Variants in RBFOX2 observed in about 807,000 individuals in gnomAD.
RBFOX2 encodes the protein RNA binding fox-1 homolog 2.
RBFOX2 carries 10 observed loss-of-function variants against 49.1 expected under a neutral mutation model. The ratio of observed to expected loss-of-function variants is 0.20; its 90% CI spans 0.13 to 0.35. The LOEUF (loss-of-function observed/expected upper bound fraction) is 0.35, where lower values mean the gene tolerates loss of function less well. RBFOX2 is among the 10% of genes least tolerant of loss of function. The pLI, the probability that RBFOX2 is intolerant of heterozygous loss-of-function variation, is 1.00. For missense variants in RBFOX2, 323 were observed against 486.9 expected (o/e 0.66, Z 3.17); for synonymous variants, 183 against 187.4 (o/e 0.98, Z 0.19).
chr22:35,988,120 C>T (rs543317754), intron 1 of RBFOX2, among the ~76,000 whole-genome samples: 1 of 152,280 alleles, frequency 6.6e-6, no homozygotes, highest in South Asian at 2.1e-4. Context: ...AGGTAAAACC[C>T]TAAAGGGGGG....
chr22:36,008,765 A>AT (rs1243690109), intron 1 of RBFOX2, among the ~76,000 whole-genome samples: 1 of 152,058 alleles, frequency 6.6e-6, no homozygotes, highest in Non-Finnish European at 1.5e-5. Flanking sequence ...TTGCAGTGAG[A>AT]TTGCACCACT....
At chr22:35,913,477 T>TTG (rs61402464) in intron 1 of RBFOX2, among the ~76,000 whole-genome samples, 2,767 of 143,450 alleles carry the variant, frequency 0.019, 34 homozygotes, top group Middle Eastern at 0.065. Context: ...GTTATTTCTA[T>TTG]TGTGTGTGTG....
intron 3 of RBFOX2, among the ~76,000 whole-genome samples, chr22:35,778,684 T>C (rs1944467684): frequency 6.6e-6 from 1 of 151,368 alleles, no homozygotes; most frequent in South Asian, 2.1e-4. Flanking sequence ...TCACCCAGGC[T>C]GGAGTCCAGT....
chr22:35,792,351 AAAAGAAAAG>A (rs951090688), intron 2 of RBFOX2, among the ~76,000 whole-genome samples: 4 of 149,168 alleles, frequency 2.7e-5, no homozygotes, highest in Admixed American at 6.7e-5. Context: ...AAAAGAAAAG[AAAAGAAAAG>A]AAAAGAAAAA....
At chr22:35,864,592 A>T (rs761595410) in intron 1 of RBFOX2, among the ~76,000 whole-genome samples, 20 of 152,230 alleles carry the variant, frequency 1.3e-4, no homozygotes, top group Admixed American at 2.6e-4. Context: ...AATAACTTAT[A>T]CTTAGGATCT....
At chr22:35,854,156 G>C (rs1291165471) in intron 1 of RBFOX2, among the ~76,000 whole-genome samples, 2 of 152,082 alleles carry the variant, frequency 1.3e-5, no homozygotes, top group African/African-American at 4.8e-5. Context: ...AGGTTGCAGT[G>C]AGCCGAGACT....
At chr22:35,956,068 GA>G (rs1287531764) in intron 1 of RBFOX2, among the ~76,000 whole-genome samples, 3 of 152,234 alleles carry the variant, frequency 2.0e-5, no homozygotes, top group South Asian at 2.1e-4. Flanking sequence ...ACTTGGAATA[GA>G]TTTTTTTTGC....
At chr22:35,995,454 A>G (rs2058150791) in intron 1 of RBFOX2, 1 of 152,154 alleles carries the variant, frequency 6.6e-6, no homozygotes, top group South Asian at 2.1e-4. Flanking sequence ...GCCTGCCGGG[A>G]GACAGTGATC....
At chr22:35,920,721 G>A (rs1052747419) in intron 1 of RBFOX2, among the ~76,000 whole-genome samples, 2 of 152,048 alleles carry the variant, frequency 1.3e-5, no homozygotes, top group African/African-American at 4.8e-5. Flanking sequence ...ACCTTACAAG[G>A]GACTACTTGG....
At chr22:36,008,336 T>C (rs2146333849) in intron 1 of RBFOX2, among the ~76,000 whole-genome samples, 1 of 152,162 alleles carries the variant, frequency 6.6e-6, no homozygotes, top group South Asian at 2.1e-4. Flanking sequence ...TCAATCAAAT[T>C]TTGTCTCCAA....
At chr22:35,927,840 C>T (rs559578489) in intron 1 of RBFOX2, among the ~76,000 whole-genome samples, 1 of 152,236 alleles carries the variant, frequency 6.6e-6, no homozygotes, top group South Asian at 2.1e-4. Flanking sequence ...ACAAAGACCT[C>T]TTTTTCTTGG....
intron 1 of RBFOX2, among the ~76,000 whole-genome samples, chr22:35,862,450 C>T (rs1279832677): frequency 2.6e-5 from 4 of 151,940 alleles, no homozygotes; most frequent in South Asian, 2.1e-4. Context: ...AAAAGGTCTT[C>T]TGAAAAGGAA....
At chr22:35,767,307 AT>A (rs1381115577) in intron 5 of RBFOX2, among the ~76,000 whole-genome samples, 1 of 152,090 alleles carries the variant, frequency 6.6e-6, no homozygotes, top group Non-Finnish European at 1.5e-5. Flanking sequence ...TTTCTTTCTT[AT>A]TTAATTGTTT....
chr22:35,837,412 C>T (rs1957870608), intron 1 of RBFOX2, among the ~76,000 whole-genome samples: 1 of 152,072 alleles, frequency 6.6e-6, no homozygotes, highest in African/African-American at 2.4e-5. Flanking sequence ...GGCCTAACCA[C>T]CAGTATAGAC....
At chr22:35,868,658 T>C (rs374696621) in intron 1 of RBFOX2, among the ~76,000 whole-genome samples, 1 of 152,300 alleles carries the variant, frequency 6.6e-6, no homozygotes, top group East Asian at 1.9e-4. Flanking sequence ...GTATGGGCAC[T>C]AGTTAATGTA....
chr22:35,995,136 C>T (rs1165244595), intron 1 of RBFOX2: 1 of 152,222 alleles, frequency 6.6e-6, no homozygotes, highest in African/African-American at 2.4e-5. Context: ...GAAACTAATA[C>T]TTCCTACAAA....
At chr22:35,896,967 T>C (rs2047923317) in intron 1 of RBFOX2, among the ~76,000 whole-genome samples, 1 of 152,228 alleles carries the variant, frequency 6.6e-6, no homozygotes, top group Non-Finnish European at 1.5e-5. Context: ...TATACACAAC[T>C]TTCCTCTCTA....
intron 2 of RBFOX2, among the ~76,000 whole-genome samples, chr22:35,804,382 T>C (rs527684897): frequency 6.6e-6 from 1 of 152,184 alleles, no homozygotes; most frequent in Admixed American, 6.5e-5. Flanking sequence ...TTGATGAATA[T>C]ATATTTCAAA....
At chr22:35,924,064 A>G (rs895754592) in intron 1 of RBFOX2, among the ~76,000 whole-genome samples, 1 of 152,314 alleles carries the variant, frequency 6.6e-6, no homozygotes, top group South Asian at 2.1e-4. Context: ...AGCCTTGGAC[A>G]ATGACTTAAT....
Sources: gnomAD v4.1 joint callset for allele counts (sites outside exome capture counted in the v4.1 genomes callset) on GRCh38, gnomAD v4.1.1 for gene constraint, MANE v1.5 for transcripts, NCBI Gene and HGNC (gene_info 2026-07-23, HGNC 2026-07-21) for gene names.